The following CLEC16A variants were observed in gnomAD, a reference collection of about 807,000 sequenced individuals.
The protein encoded by CLEC16A is C-type lectin domain containing 16A, also known as protein CLEC16A.
Under a neutral mutation model 109.5 loss-of-function variants are expected in CLEC16A, and 51 were observed. The observed-to-expected ratio is 0.47, with a 90% CI of 0.37 to 0.59. The LOEUF (loss-of-function observed/expected upper bound fraction) is 0.59, where lower values mean the gene tolerates loss of function less well. Ranked by LOEUF, CLEC16A falls within the 20% of genes least tolerant of loss-of-function variation. The pLI is 0.00. For synonymous variants in CLEC16A, 673 were observed against 564.2 expected, an observed-to-expected ratio of 1.19 and a Z score of -2.73; for missense variants, 1,339 against 1,394.0, an observed-to-expected ratio of 0.96 and a Z score of 0.63.
intron 22 of CLEC16A, among the ~76,000 whole-genome samples, chr16:11,163,900 G>T (rs536319133): frequency 2.6e-5 from 4 of 152,310 alleles, no homozygotes; most frequent in Admixed American, 2.6e-4. Flanking sequence ...TTGTTAAGGG[G>T]TAATTCATTT....
At chr16:10,977,135 T>C (rs1369219112) in intron 7 of CLEC16A, 90 bp from the exon 8 acceptor site, 1 of 1,204,756 alleles carries the variant, frequency 8.3e-7, no homozygotes, top group Non-Finnish European at 1.2e-6. Flanking sequence ...GTGGATGAAC[T>C]CACAGTGACC....
chr16:11,124,625 C>T (rs1772535972), intron 21 of CLEC16A, among the ~76,000 whole-genome samples: 1 of 152,186 alleles, frequency 6.6e-6, no homozygotes, highest in Admixed American at 6.5e-5. Flanking sequence ...AAGGCAAGGC[C>T]TTCTCCTCGG....
At position 10,944,645 on chromosome 16, in the gene CLEC16A, C is replaced by G; in HGVS notation, c.-73C>G. The G allele has an allele frequency of 7.0e-7, 1 of 1,425,434 alleles. No individual in the cohort carries two copies. 88.3% of individuals were successfully genotyped at this position (1,425,434 alleles called of 1,614,324 possible). The stretch of plus-strand genomic sequence containing the variant: ...CCGCCGCATCCTCCGCTTGTGCTAC[C>G]GCCGCGGGCGCTGGGCCGCTCTGCT... On this transcript the variant is annotated 5_prime_UTR_variant, in exon 1 of 24. Coordinates refer to ENST00000409790, the MANE Select transcript of CLEC16A (RefSeq NM_015226.3).
At chr16:11,043,029 T>C (rs1259114072) in intron 15 of CLEC16A, among the ~76,000 whole-genome samples, 21 of 151,902 alleles carry the variant, frequency 1.4e-4, no homozygotes, top group Admixed American at 1.4e-3. Flanking sequence ...TATTTACATA[T>C]GTAAATGAAA....
chr16:11,138,069 G>A (rs1397543249), intron 22 of CLEC16A, among the ~76,000 whole-genome samples: 3 of 152,148 alleles, frequency 2.0e-5, no homozygotes, highest in Non-Finnish European at 2.9e-5. Flanking sequence ...GAAGAATTGG[G>A]GTAGGGAAAG....
intron 5 of CLEC16A, 35 bp from the exon 6 acceptor site, chr16:10,972,519 T>G (rs2042842397): frequency 6.2e-7 from 1 of 1,610,060 alleles, no homozygotes; most frequent in African/African-American, 1.3e-5. Context: ...TTTTTGCTTT[T>G]CCTTCAATGA....
At chr16:11,103,337 T>G (rs2051032570) in intron 19 of CLEC16A, among the ~76,000 whole-genome samples, 1 of 152,162 alleles carries the variant, frequency 6.6e-6, no homozygotes, top group Non-Finnish European at 1.5e-5. Flanking sequence ...CCCAGCACTT[T>G]GGGAGGCTGA....
intron 10 of CLEC16A, 26 bp from the exon 11 acceptor site, chr16:11,003,048 C>G (rs916524162): frequency 1.3e-6 from 2 of 1,572,506 alleles, no homozygotes; most frequent in African/African-American, 1.4e-5. Flanking sequence ...TCAAATTCAC[C>G]TGTTGCCTTC....
In CLEC16A at chr16:10,961,454, T is replaced by A. The variant is rs1298033416; in HGVS notation, c.210-1001T>A. Among the ~76,000 whole-genome samples, 1 of 152,142 alleles carries A rather than the reference T, an allele frequency of 6.6e-6. No homozygotes were observed. Among genetic ancestry groups the A allele is most frequent in the Non-Finnish European group, 1.5e-5 (1 of 68,032 alleles). ...CCTCATTTCTTCCAAGTGTCCCAGA[T>A]GCAAGATTATCTGGTGTTAGCTTGA... On this transcript the variant is annotated intron_variant, in intron 2 of 23. Coordinates refer to ENST00000409790, the MANE Select transcript of CLEC16A (RefSeq NM_015226.3). The surrounding 1 kb of genome is among the most constrained non-coding windows in gnomAD (Gnocchi z 4.3).
intron 13 of CLEC16A, chr16:11,027,195 G>A: frequency 7.2e-7 from 1 of 1,397,796 alleles, no homozygotes; most frequent in Non-Finnish European, 1.0e-6. Context: ...ATTCCTACAT[G>A]ATTACTGGCA....
At chr16:11,016,435 AC>A in intron 11 of CLEC16A, among the ~76,000 whole-genome samples, 1 of 145,860 alleles carries the variant, frequency 6.9e-6, no homozygotes, top group Admixed American at 7.0e-5. Context: ...TGCAACCCCC[AC>A]CCCCTGGGTT....
intron 2 of CLEC16A, among the ~76,000 whole-genome samples, chr16:10,960,542 G>A (rs141840807): frequency 2.0e-5 from 3 of 152,122 alleles, no homozygotes; most frequent in African/African-American, 7.2e-5. Flanking sequence ...TTATCACCTG[G>A]TTAAGGTGCT....
intron 3 of CLEC16A, among the ~76,000 whole-genome samples, chr16:10,965,401 G>A (rs2042452867): frequency 6.6e-6 from 1 of 152,208 alleles, no homozygotes; most frequent in South Asian, 2.1e-4. Context: ...AAAATGTAAA[G>A]TCAAGTTTCT....
intron 22 of CLEC16A, among the ~76,000 whole-genome samples, chr16:11,141,553 G>A (rs148802581): frequency 9.8e-5 from 15 of 152,352 alleles, no homozygotes; most frequent in South Asian, 4.1e-4. Flanking sequence ...TTCATTCTGC[G>A]TGCTCTGGGT....
intron 1 of CLEC16A, among the ~76,000 whole-genome samples, chr16:10,953,942 A>C (rs1407798758): frequency 7.3e-5 from 11 of 149,920 alleles, no homozygotes; most frequent in Non-Finnish European, 1.5e-4. Flanking sequence ...GCACCACTGC[A>C]CTCCAGCCTG....
chr16:11,120,888 G>A lies in CLEC16A; in HGVS notation c.2268+122G>A, dbSNP rs986689989. On this transcript the variant is annotated intron_variant, in intron 20 of 23. Coordinates refer to ENST00000409790, the MANE Select transcript of CLEC16A (RefSeq NM_015226.3). Reference sequence around the variant, plus strand: ...ATTAATTTGTAGTGATATTATACAAGGTATATGTGAACAAATTGTCACCCA... The same window carrying A: ...ATTAATTTGTAGTGATATTATACAAAGTATATGTGAACAAATTGTCACCCA... 4 of 1,015,558 alleles carry A rather than the reference G, an allele frequency of 3.9e-6. No homozygotes were observed. The Admixed American group carries it at 1.6e-4, about 41-fold the overall frequency. The allele number at this position is 1,015,558 out of a possible 1,614,324, so 62.9% of individuals were successfully genotyped here.
At chr16:11,076,674 T>G (rs1016013213) in intron 19 of CLEC16A, among the ~76,000 whole-genome samples, 17 of 152,206 alleles carry the variant, frequency 1.1e-4, no homozygotes, top group Non-Finnish European at 2.2e-4. Flanking sequence ...AAAACAAATC[T>G]CTGAACCAGT....
At chr16:11,027,312 G>C in intron 13 of CLEC16A, 2 of 1,473,528 alleles carry the variant, frequency 1.4e-6, no homozygotes, top group Non-Finnish European at 1.9e-6. Flanking sequence ...CGAAAGGATT[G>C]ATGGCGTGAG....
At chr16:11,143,703 G>A (rs529274817) in intron 22 of CLEC16A, among the ~76,000 whole-genome samples, 1 of 152,188 alleles carries the variant, frequency 6.6e-6, no homozygotes, top group African/African-American at 2.4e-5. Context: ...GGTCCCCATC[G>A]ATGTGACACC....
Sources: gnomAD v4.1 joint callset for allele counts (sites outside exome capture counted in the v4.1 genomes callset) on GRCh38, gnomAD v4.1.1 for gene constraint, Gnocchi (gnomAD v3.1) non-coding constraint, MANE v1.5 for transcripts, NCBI Gene and HGNC (gene_info 2026-07-23, HGNC 2026-07-21) for gene names.